Variants in PPAT observed in about 807,000 individuals in gnomAD.
PPAT encodes the protein phosphoribosyl pyrophosphate amidotransferase.
In PPAT, 20 loss-of-function variants were observed where a neutral mutation model predicts 60.2. That is an observed-to-expected ratio of 0.33 (90% CI 0.23 to 0.48). PPAT has a LOEUF of 0.48. Among genes scored for constraint, PPAT ranks in the 20% least tolerant of loss-of-function variants. The pLI is 0.99. For missense variants in PPAT, 349 were observed against 629.6 expected (o/e 0.55, Z 4.77); for synonymous variants, 194 against 215.1 (o/e 0.90, Z 0.86).
chr4:56,430,673 T>G (rs1287856006), intron 1 of PPAT, among the ~76,000 whole-genome samples: 5 of 151,474 alleles, frequency 3.3e-5, no homozygotes, highest in Non-Finnish European at 7.4e-5. Flanking sequence ...GATAAAACTC[T>G]TGTGCGGTTA....
chr4:56,427,660 A>T (rs1361844878), intron 1 of PPAT, among the ~76,000 whole-genome samples: 1 of 147,766 alleles, frequency 6.8e-6, no homozygotes, highest in Non-Finnish European at 1.5e-5. Flanking sequence ...AAAAAAAAAA[A>T]TTCATAAGGC....
chr4:56,406,846 A>G, intron 2 of PPAT, 145 bp from the exon 3 acceptor site: 2 of 691,586 alleles, frequency 2.9e-6, no homozygotes, highest in Admixed American at 5.9e-5. Flanking sequence ...TCTAAAAAAA[A>G]GTCAAAAACA....
rs563513018 is a variant in PPAT, at chr4:56,407,553, G to A, written c.195+97C>T. The A allele has an allele frequency of 4.2e-6, 4 of 947,682 alleles. No individual in the cohort carries two copies. The Admixed American group carries it at 5.3e-5, about 12-fold the overall frequency. The allele number at this position is 947,682 out of a possible 1,614,324, so 58.7% of individuals were successfully genotyped here. A position where few individuals can be genotyped will look rare whatever the true frequency, so the allele number is the denominator to read the frequency against. ...GGCTGGTCTTGAACTCCCGACCTCAGGTGATCCTCCTGCCTTGGCCTGCCA... is the reference window on the plus strand; with the variant it reads ...GGCTGGTCTTGAACTCCCGACCTCAAGTGATCCTCCTGCCTTGGCCTGCCA... On this transcript the variant is annotated intron_variant, in intron 2 of 10. Coordinates refer to ENST00000264220, the MANE Select transcript of PPAT (RefSeq NM_002703.5).
intron 9 of PPAT, among the ~76,000 whole-genome samples, chr4:56,398,225 C>T (rs1350748502): frequency 1.3e-5 from 2 of 152,008 alleles, no homozygotes; most frequent in African/African-American, 4.8e-5. Flanking sequence ...AAAAATTAGC[C>T]TGGCTGCAAT....
chr4:56,395,206 GAA>G lies in PPAT; in HGVS notation c.*144_*145del. The G allele has an allele frequency of 8.3e-5, 51 of 613,428 alleles. No homozygotes were observed. The highest frequency in any genetic ancestry group is 1.1e-4 in the Non-Finnish European group (41 of 389,658). 38.0% of individuals were successfully genotyped at this position (613,428 alleles called of 1,614,324 possible). On this transcript the variant is annotated 3_prime_UTR_variant, in exon 11 of 11. Transcript: ENST00000264220. ...TTATCGCACTTTGGTATCCTTTTCA[GAA>G]AAAAAAAAAATCTCAAAACTTATAA...
chr4:56,406,603 T>C lies in PPAT; in HGVS notation c.294A>G (p.Gly98=), dbSNP rs1716247565. ...GCTGACAATTTTCTAGTTCACATTT[T>C]CCTGTGGTGGCATACCTGGTGTGTC... ...GIGHTRYATT[G]KCELENCQPF... The change falls in exon 3 of 11, where the codon GGA becomes GGG. Residue 98 remains glycine, a synonymous_variant. Transcript: ENST00000264220. The C allele has an allele frequency of 5.0e-6, 8 of 1,613,484 alleles. No individual in the cohort carries two copies. Among genetic ancestry groups the C allele is most frequent in the Non-Finnish European group, 6.8e-6 (8 of 1,179,544 alleles).
intron 1 of PPAT, among the ~76,000 whole-genome samples, chr4:56,408,843 A>AGG (rs1716325858): frequency 6.6e-6 from 1 of 152,166 alleles, no homozygotes; most frequent in Non-Finnish European, 1.5e-5. Flanking sequence ...CCTCTGTAAA[A>AGG]AAATGTTAAA....
rs776203932 is a variant in PPAT, at chr4:56,403,020, T to C, written c.661+20A>G. On this transcript the variant is annotated intron_variant, in intron 5 of 10. Coordinates refer to ENST00000264220, the MANE Select transcript of PPAT (RefSeq NM_002703.5). ...AATGGAAAAACACTATGAAATGATA[T>C]TCCTTCTAAAGTTTATTACCTTTGT... 5.1e-6 allele frequency: 8 copies of C among 1,572,942 alleles called. No individual in the cohort carries two copies. Among genetic ancestry groups the C allele is most frequent in the Non-Finnish European group, 6.9e-6 (8 of 1,160,100 alleles).
At chr4:56,407,052 T>C (rs1716258309) in intron 2 of PPAT, among the ~76,000 whole-genome samples, 2 of 152,086 alleles carry the variant, frequency 1.3e-5, no homozygotes, top group African/African-American at 4.8e-5. Flanking sequence ...GCAATAAAAT[T>C]TGTCAAGTAT....
intron 1 of PPAT, among the ~76,000 whole-genome samples, chr4:56,414,639 G>T (rs1379335327): frequency 6.6e-6 from 1 of 152,224 alleles, no homozygotes; most frequent in East Asian, 1.9e-4. Context: ...TATCTGAAGA[G>T]GTTGGAGAGA....
At chr4:56,418,297 CT>C (rs1716874022) in intron 1 of PPAT, among the ~76,000 whole-genome samples, 1 of 152,066 alleles carries the variant, frequency 6.6e-6, no homozygotes, top group African/African-American at 2.4e-5. Context: ...AAATTACTTT[CT>C]TTTTTAAAAA....
At chr4:56,411,511 A>C (rs1716461794) in intron 1 of PPAT, among the ~76,000 whole-genome samples, 1 of 152,180 alleles carries the variant, frequency 6.6e-6, no homozygotes, top group Non-Finnish European at 1.5e-5. Flanking sequence ...GGGTTTCTTG[A>C]CGTGCTGTGT....
Position 56,395,505 on chromosome 4 carries a change from T to A in PPAT, c.1401A>T (p.Ser467=), listed in dbSNP as rs746284278. ...TAAACTTTATCCCTTCTTGTACAGA[T>A]GAAACCAGTCCTTCTACTGACAGAT... The part of the protein sequence containing the change: ...VVYLSVEGLV[S]SVQEGIKFKK... The change falls in exon 11 of 11, where the codon TCA becomes TCT. Residue 467 remains serine, a synonymous_variant. Coordinates refer to ENST00000264220, the MANE Select transcript of PPAT (RefSeq NM_002703.5). 6.2e-7 allele frequency: 1 copy of A among 1,606,824 alleles called. No homozygotes were observed. The highest frequency in any genetic ancestry group is 8.5e-7 in the Non-Finnish European group (1 of 1,177,200).
At chr4:56,417,576 T>A (rs950450168) in intron 1 of PPAT, among the ~76,000 whole-genome samples, 3 of 151,740 alleles carry the variant, frequency 2.0e-5, no homozygotes, top group African/African-American at 7.3e-5. Flanking sequence ...AGACCAGGAG[T>A]TCGAGACTAG....
rs1715883419 is a variant in PPAT at position 56,393,617 on chromosome 4, GTA to G, written c.*1733_*1734del. 1 of 152,588 alleles carries G rather than the reference GTA, an allele frequency of 6.6e-6. No homozygotes were observed. Among genetic ancestry groups the G allele is most frequent in the African/African-American group, 2.4e-5 (1 of 41,450 alleles). The allele number at this position is 152,588 out of a possible 1,614,324, so 9.5% of individuals were successfully genotyped here. On this transcript the variant is annotated 3_prime_UTR_variant, in exon 11 of 11. Transcript: ENST00000264220. ...CATGATGGAGAAATATTAAGAATCT[GTA>G]GAATTACTAAACTGTCACAGTATTA...
intron 1 of PPAT, among the ~76,000 whole-genome samples, chr4:56,427,031 T>C (rs978584885): frequency 6.6e-6 from 1 of 152,246 alleles, no homozygotes; most frequent in Non-Finnish European, 1.5e-5. Flanking sequence ...ATTTCACTTA[T>C]AATATCTTTA....
At chr4:56,415,190 C>T (rs964264413) in intron 1 of PPAT, among the ~76,000 whole-genome samples, 1 of 152,080 alleles carries the variant, frequency 6.6e-6, no homozygotes, top group Admixed American at 6.6e-5. Context: ...AAATACAATG[C>T]TACTTTTGTT....
intron 1 of PPAT, among the ~76,000 whole-genome samples, chr4:56,413,000 C>G (rs546358760): frequency 1.1e-5 from 1 of 89,432 alleles, no homozygotes; most frequent in Non-Finnish European, 2.3e-5. Flanking sequence ...TAATATTTAA[C>G]TGAGTGTGGG....
rs1361128266 is a variant in PPAT, at chr4:56,431,147, T to C, written c.128+4203A>G. ...CAAACCAAAATTTACTTGACTCAGATAAAGGTTATAGATTATGGGAGTATA... is the reference window on the plus strand; with the variant it reads ...CAAACCAAAATTTACTTGACTCAGACAAAGGTTATAGATTATGGGAGTATA... On this transcript the variant is annotated intron_variant, in intron 1 of 10. Transcript: ENST00000264220. Among the ~76,000 whole-genome samples the C allele has an allele frequency of 4.6e-5, 7 of 152,210 alleles. No homozygotes were observed. In the South Asian group the frequency reaches 6.2e-4, roughly 13 times the overall value.
Sources: allele counts gnomAD v4.1 joint callset (sites outside exome capture counted in the v4.1 genomes callset), GRCh38; gene constraint gnomAD v4.1.1; transcripts MANE v1.5; gene names NCBI Gene and HGNC (gene_info 2026-07-23, HGNC 2026-07-21).